ZNF423: variants seen among roughly 807,000 people sequenced by gnomAD.
ZNF423 encodes zinc finger protein 423.
In ZNF423, 12 loss-of-function variants were observed where a neutral mutation model predicts 95.8. The observed-to-expected ratio is 0.13, with a 90% CI of 0.08 to 0.20. ZNF423 has a LOEUF of 0.20. Ranked by LOEUF, ZNF423 falls within the 10% of genes least tolerant of loss-of-function variation. ZNF423 has a pLI of 1.00. For synonymous variants in ZNF423, 749 were observed against 711.9 expected (o/e 1.05, Z -0.83); for missense variants, 1,316 against 1,737.1 (o/e 0.76, Z 4.31).
intron 3 of ZNF423, among the ~76,000 whole-genome samples, chr16:49,714,702 G>C (rs2032651710): frequency 6.6e-6 from 1 of 151,894 alleles, no homozygotes; most frequent in Non-Finnish European, 1.5e-5. Flanking sequence ...GCTGAGATGG[G>C]TGGATTGCTT....
chr16:49,689,943 C>T (rs755835460), intron 3 of ZNF423, among the ~76,000 whole-genome samples: 8 of 152,200 alleles, frequency 5.3e-5, no homozygotes, highest in Non-Finnish European at 1.0e-4. Flanking sequence ...GGACACTCTC[C>T]CAGGTCCACT....
At chr16:49,760,246 G>C (rs2033804075) in intron 2 of ZNF423, among the ~76,000 whole-genome samples, 2 of 127,770 alleles carry the variant, frequency 1.6e-5, no homozygotes, top group Non-Finnish European at 3.2e-5. Context: ...GGGGTGGGTA[G>C]ATGGATGGAT....
chr16:49,679,461 C>A (rs1239337174), intron 3 of ZNF423, among the ~76,000 whole-genome samples: 1 of 152,248 alleles, frequency 6.6e-6, no homozygotes, highest in Non-Finnish European at 1.5e-5. Context: ...CTGCTCCCAG[C>A]ACCCTCTCTG....
At chr16:49,772,417 C>T (rs145740258) in intron 2 of ZNF423, among the ~76,000 whole-genome samples, 1 of 152,348 alleles carries the variant, frequency 6.6e-6, no homozygotes, top group East Asian at 1.9e-4. Flanking sequence ...TCATGTTTCA[C>T]CAGCTGTCTG....
At chr16:49,506,480 G>A (rs1967647038) in intron 7 of ZNF423, among the ~76,000 whole-genome samples, 1 of 145,842 alleles carries the variant, frequency 6.9e-6, no homozygotes, top group Admixed American at 6.8e-5. Flanking sequence ...ATGAATAGAT[G>A]GATGGATGGA....
intron 5 of ZNF423, among the ~76,000 whole-genome samples, chr16:49,539,577 T>A (rs1969178004): frequency 1.3e-5 from 2 of 152,200 alleles, no homozygotes; most frequent in South Asian, 4.1e-4. Context: ...GCCTACATCA[T>A]AACTGTTGGG....
At chr16:49,823,097 C>T (rs981574753) in intron 1 of ZNF423, among the ~76,000 whole-genome samples, 5 of 152,136 alleles carry the variant, frequency 3.3e-5, no homozygotes, top group Admixed American at 1.3e-4. Flanking sequence ...GGCCTGTGAT[C>T]GACCTTGAAC....
chr16:49,582,405 G>C (rs910015540), intron 5 of ZNF423, among the ~76,000 whole-genome samples: 1 of 152,242 alleles, frequency 6.6e-6, no homozygotes, highest in African/African-American at 2.4e-5. Context: ...TTCTGCAAAT[G>C]CTTTTACTTC....
intron 2 of ZNF423, among the ~76,000 whole-genome samples, chr16:49,743,763 AGGGCCAG>A (rs2033464123): frequency 6.6e-6 from 1 of 151,940 alleles, no homozygotes; most frequent in African/African-American, 2.4e-5. Context: ...GTGGGCCTGG[AGGGCCAG>A]GGGAGCCCCC....
chr16:49,749,469 A>G (rs753449672), intron 2 of ZNF423, among the ~76,000 whole-genome samples: 1 of 152,264 alleles, frequency 6.6e-6, no homozygotes, highest in South Asian at 2.1e-4. Context: ...CAAAGATACA[A>G]GCCATACAGA....
intron 3 of ZNF423, among the ~76,000 whole-genome samples, chr16:49,679,330 A>G (rs898244011): frequency 1.3e-5 from 2 of 152,198 alleles, no homozygotes; most frequent in African/African-American, 4.8e-5. Context: ...CCAAGTTGGC[A>G]GGGTGGGATC....
At chr16:49,832,812 C>A (rs1376701227) in intron 1 of ZNF423, among the ~76,000 whole-genome samples, 1 of 152,174 alleles carries the variant, frequency 6.6e-6, no homozygotes, top group Non-Finnish European at 1.5e-5. Flanking sequence ...AAGCAGTCAC[C>A]ACCCCCAGCC....
chr16:49,730,310 T>C (rs989037996), intron 3 of ZNF423, among the ~76,000 whole-genome samples: 5 of 152,178 alleles, frequency 3.3e-5, no homozygotes, highest in Non-Finnish European at 5.9e-5. Flanking sequence ...AAGCACAGAG[T>C]TGGAAACAGG....
chr16:49,776,769 G>A (rs768901519), intron 2 of ZNF423, among the ~76,000 whole-genome samples: 1 of 152,216 alleles, frequency 6.6e-6, no homozygotes, highest in Non-Finnish European at 1.5e-5. Context: ...AAGTGCAGGG[G>A]TGCAAATCTT....
At chr16:49,717,373 G>A (rs1323227053) in intron 3 of ZNF423, among the ~76,000 whole-genome samples, 1 of 152,232 alleles carries the variant, frequency 6.6e-6, no homozygotes, top group Admixed American at 6.5e-5. Context: ...CTCAGTTCAG[G>A]AGGTCAGGTC....
chr16:49,529,877 C>A (rs992052819), intron 5 of ZNF423, among the ~76,000 whole-genome samples: 2 of 152,130 alleles, frequency 1.3e-5, no homozygotes, highest in Non-Finnish European at 2.9e-5. Context: ...AACGGATAGT[C>A]CCTGCCTACC....
chr16:49,742,939 C>T (rs1169520134), intron 2 of ZNF423, among the ~76,000 whole-genome samples: 1 of 152,122 alleles, frequency 6.6e-6, no homozygotes, highest in Non-Finnish European at 1.5e-5. Flanking sequence ...GAGCCCAGAG[C>T]CCAGGGGCCA....
chr16:49,769,425 A>G (rs1017192904), intron 2 of ZNF423, among the ~76,000 whole-genome samples: 1 of 151,866 alleles, frequency 6.6e-6, no homozygotes, highest in African/African-American at 2.4e-5. Context: ...GAAACTCAGA[A>G]TCTGACCTCT....
rs1400192586 is a variant in ZNF423, at chr16:49,855,153, A to AGGCGGCCGGGGCGAGGGCGC, written c.40+562_40+581dup. Among the ~76,000 whole-genome samples, 2 of 141,568 alleles carry AGGCGGCCGGGGCGAGGGCGC rather than the reference A, an allele frequency of 1.4e-5. No individual in the cohort carries two copies. The highest frequency in any genetic ancestry group is 5.0e-5 in the African/African-American group (2 of 40,330). 92.9% of individuals were successfully genotyped at this position (141,568 alleles called of 152,430 possible). A position where few individuals can be genotyped will look rare whatever the true frequency, so the allele number is the denominator to read the frequency against. On this transcript the variant is annotated intron_variant, in intron 1 of 7. Transcript: ENST00000563137. The surrounding 1 kb of genome is among the most constrained non-coding windows in gnomAD (Gnocchi z 4.7). ...CTGGGCAGGGGCGGGAGGGGGCGCC[A>AGGCGGCCGGGGCGAGGGCGC]GGCGGCCGGGGCGAGGGCGCGGCGC...
Sources: gnomAD v4.1 joint callset for allele counts (sites outside exome capture counted in the v4.1 genomes callset) on GRCh38, gnomAD v4.1.1 for gene constraint, Gnocchi (gnomAD v3.1) non-coding constraint, MANE v1.5 for transcripts, NCBI Gene and HGNC (gene_info 2026-07-23, HGNC 2026-07-21) for gene names.